Variants in FAAH2 observed in about 807,000 individuals in gnomAD.
FAAH2 encodes the protein fatty acid amide hydrolase 2, also known as fatty-acid amide hydrolase 2.
Under a neutral mutation model 36.9 loss-of-function variants are expected in FAAH2, and 60 were observed. That is an observed-to-expected ratio of 1.63 (90% confidence interval 1.32 to 2.02). The LOEUF (loss-of-function observed/expected upper bound fraction) is 2.02. FAAH2 is among the 30% of genes most tolerant of loss of function. The pLI is 0.00. For synonymous variants in FAAH2, 214 were observed against 143.8 expected (o/e 1.49, Z -3.49); for missense variants, 689 against 397.5 (o/e 1.73, Z -6.23).
chrX:57,339,871 C>A (rs1229676385), intron 4 of FAAH2, among the ~76,000 whole-genome samples: 2 of 111,658 alleles, frequency 1.8e-5, no homozygotes, highest in Non-Finnish European at 3.8e-5. Context: ...GCAGAAATAC[C>A]ATTTTACCCA....
At chrX:57,350,925 A>T (rs2053982554) in intron 5 of FAAH2, among the ~76,000 whole-genome samples, 1 of 111,571 alleles carries the variant, frequency 9.0e-6, no homozygotes, top group Admixed American at 9.5e-5. Flanking sequence ...AATATTAGGC[A>T]GATTGTCAAG....
chrX:57,420,664 A>G (rs762414967), intron 7 of FAAH2, among the ~76,000 whole-genome samples: 1 of 108,985 alleles, frequency 9.2e-6, no homozygotes, highest in Admixed American at 9.9e-5. Context: ...TGTCATCTGC[A>G]AACAGGGACA....
chrX:57,149,500 C>T, the FAAH2 span, among the ~76,000 whole-genome samples: 6 of 111,426 alleles, frequency 5.4e-5, no homozygotes, highest in East Asian at 2.8e-4. Context: ...GTGTATGTGT[C>T]GAGGAATTTA....
chrX:57,377,430 A>C, intron 5 of FAAH2, among the ~76,000 whole-genome samples: 2 of 111,961 alleles, frequency 1.8e-5, no homozygotes, highest in Middle Eastern at 9.3e-3. Context: ...TGTTTTTGTC[A>C]GGTTTGTCAA....
At chrX:57,296,113 C>T (rs1000135713) in intron 2 of FAAH2, among the ~76,000 whole-genome samples, 2 of 112,061 alleles carry the variant, frequency 1.8e-5, no homozygotes, top group African/African-American at 3.2e-5. Context: ...AGTGGTTCTC[C>T]CAGCACGCAG....
At chrX:57,482,215 C>T (rs1461859643) in intron 10 of FAAH2, among the ~76,000 whole-genome samples, 1 of 111,738 alleles carries the variant, frequency 8.9e-6, no homozygotes, top group African/African-American at 3.3e-5. Context: ...ACTAGGCTCC[C>T]TGGCTTCAGA....
the FAAH2 span, among the ~76,000 whole-genome samples, chrX:57,193,550 G>T: frequency 9.0e-6 from 1 of 111,326 alleles, no homozygotes; most frequent in Non-Finnish European, 1.9e-5. Flanking sequence ...AATAAAAATT[G>T]CTGGTTTTGC....
Position 57,448,647 on chromosome X carries a change from A to G in FAAH2, c.1352A>G (p.Tyr451Cys). The change falls in exon 10 of 11, where the codon TAT becomes TGT. Residue 451 changes from tyrosine (Y) to cysteine (C), a missense_variant. By Grantham distance (194) the Tyr-to-Cys change is radical (BLOSUM62 -2). Transcript: ENST00000374900. ...DMLGDDGVFLYPSHPTVAPKH... is the reference protein window; with the variant it reads ...DMLGDDGVFLCPSHPTVAPKH... ...CTAGGTGATGATGGTGTGTTCTTAT[A>G]TCCCTCACATCCCACAGTGGCACCT... The G allele has an allele frequency of 8.3e-7, 1 of 1,211,286 alleles. No homozygotes were observed. The highest frequency in any genetic ancestry group is 1.1e-6 in the Non-Finnish European group (1 of 895,278).
chrX:57,351,238 G>T (rs1485085598), intron 5 of FAAH2, among the ~76,000 whole-genome samples: 1 of 111,442 alleles, frequency 9.0e-6, no homozygotes, highest in Non-Finnish European at 1.9e-5. Context: ...GTTTGTGAAT[G>T]ACCATTGGGT....
chrX:57,134,872 C>T, the FAAH2 span: 1 of 111,543 alleles, frequency 9.0e-6, no homozygotes, highest in Non-Finnish European at 1.9e-5. Flanking sequence ...CAGGAAAAGC[C>T]TTATGGGCAT....
chrX:57,193,690 G>T, the FAAH2 span, among the ~76,000 whole-genome samples: 1 of 111,652 alleles, frequency 9.0e-6, no homozygotes, highest in South Asian at 3.7e-4. Flanking sequence ...AAATAGAAAA[G>T]AACCTATGTG....
chrX:57,416,316 T>C (rs905164469), intron 7 of FAAH2, among the ~76,000 whole-genome samples: 2 of 111,789 alleles, frequency 1.8e-5, no homozygotes, highest in African/African-American at 6.5e-5. Flanking sequence ...AGTTTCTTCA[T>C]AGTATTGATG....
At chrX:57,407,117 G>A (rs1157977849) in intron 7 of FAAH2, among the ~76,000 whole-genome samples, 1 of 112,215 alleles carries the variant, frequency 8.9e-6, no homozygotes, top group Non-Finnish European at 1.9e-5. Context: ...TCATGCCAAA[G>A]GCTAGATCTC....
At chrX:57,402,249 A>G (rs1176629826) in intron 7 of FAAH2, among the ~76,000 whole-genome samples, 2 of 111,826 alleles carry the variant, frequency 1.8e-5, no homozygotes, top group African/African-American at 6.5e-5. Flanking sequence ...CCCTTGACAT[A>G]AGGGGCATGG....
chrX:57,478,527 A>G (rs2057316404), intron 10 of FAAH2, among the ~76,000 whole-genome samples: 1 of 111,306 alleles, frequency 9.0e-6, no homozygotes, highest in South Asian at 3.7e-4. Context: ...TTTTGTTGTA[A>G]TTGCTTTTGG....
At chrX:57,403,198 A>C (rs957612997) in intron 7 of FAAH2, among the ~76,000 whole-genome samples, 1 of 112,132 alleles carries the variant, frequency 8.9e-6, no homozygotes, top group Non-Finnish European at 1.9e-5. Context: ...CCATCTGAAA[A>C]AAACAAACAA....
chrX:57,395,819 C>A (rs746847428), intron 7 of FAAH2, among the ~76,000 whole-genome samples: 3 of 111,462 alleles, frequency 2.7e-5, no homozygotes, highest in South Asian at 3.7e-4. Flanking sequence ...TTTTTTTATT[C>A]TTTCCTTGCA....
At chrX:57,292,348 C>A in intron 1 of FAAH2, 150 bp from the exon 2 acceptor site, 1 of 409,234 alleles carries the variant, frequency 2.4e-6, no homozygotes, top group Non-Finnish European at 4.1e-6. Context: ...TCCTTAGCTT[C>A]ATATTTTGCC....
the FAAH2 span, among the ~76,000 whole-genome samples, chrX:57,191,107 A>G: frequency 9.0e-6 from 1 of 111,633 alleles, no homozygotes; most frequent in African/African-American, 3.3e-5. Flanking sequence ...TCCTATCAAC[A>G]GTGTATGAGT....
Sources: gnomAD v4.1 joint callset for allele counts (sites outside exome capture counted in the v4.1 genomes callset) on GRCh38, gnomAD v4.1.1 for gene constraint, MANE v1.5 for transcripts, NCBI Gene and HGNC (gene_info 2026-07-23, HGNC 2026-07-21) for gene names.